The following ANK1 variants were observed in gnomAD, a reference collection of about 807,000 sequenced individuals.
The protein encoded by ANK1 is ankyrin 1.
A neutral mutation model predicts 210.4 loss-of-function variants in ANK1; 51 were observed. That is an observed-to-expected ratio of 0.24 (90% confidence interval 0.19 to 0.31). The LOEUF (loss-of-function observed/expected upper bound fraction) is 0.31. Ranked by LOEUF, ANK1 falls within the 10% of genes least tolerant of loss-of-function variation. ANK1 has a pLI of 1.00. For missense variants in ANK1, 2,051 were observed against 2,504.4 expected (o/e 0.82, Z 3.86); for synonymous variants, 967 against 1,025.9 (o/e 0.94, Z 1.10).
chr8:41,733,795 T>G (rs558882389), intron 3 of ANK1, among the ~76,000 whole-genome samples, 176 bp downstream of exon 3: 1 of 152,362 alleles, frequency 6.6e-6, no homozygotes, highest in Non-Finnish European at 1.5e-5. Flanking sequence ...TGAATCTTTC[T>G]GGAAATGGGG....
chr8:41,765,258 G>C (rs1841509513), intron 1 of ANK1, among the ~76,000 whole-genome samples: 1 of 143,494 alleles, frequency 7.0e-6, no homozygotes, highest in African/African-American at 2.6e-5. Flanking sequence ...TTTCTTTCAA[G>C]ACAGAGTCTC....
intron 1 of ANK1, among the ~76,000 whole-genome samples, chr8:41,872,391 C>T (rs964005593): frequency 1.1e-4 from 16 of 152,224 alleles, no homozygotes; most frequent in South Asian, 2.1e-4. Context: ...CATTAAATCC[C>T]CCAGTGCTGC....
intron 1 of ANK1, among the ~76,000 whole-genome samples, chr8:41,826,268 C>G (rs944377743): frequency 1.3e-5 from 2 of 152,048 alleles, no homozygotes; most frequent in South Asian, 4.2e-4. Flanking sequence ...TGTCTATGAC[C>G]CCATGGGGTC....
intron 2 of ANK1, among the ~76,000 whole-genome samples, chr8:41,742,360 G>A (rs1019544855): frequency 5.3e-5 from 8 of 152,204 alleles, no homozygotes; most frequent in Admixed American, 3.3e-4. Flanking sequence ...AAAACTGCAA[G>A]AACATCTCAA....
At chr8:41,887,719 G>A (rs747463868) in intron 1 of ANK1, among the ~76,000 whole-genome samples, 63 of 152,116 alleles carry the variant, frequency 4.1e-4, no homozygotes, top group Non-Finnish European at 7.5e-4. Flanking sequence ...TCTATTCCAC[G>A]TATATTATAT....
At chr8:41,683,113 C>T (rs533896484) in intron 37 of ANK1, among the ~76,000 whole-genome samples, 1 of 151,950 alleles carries the variant, frequency 6.6e-6, no homozygotes, top group African/African-American at 2.4e-5. Context: ...CATGCACACA[C>T]ATACGCACAC....
At chr8:41,866,270 G>A (rs1370310689) in intron 1 of ANK1, among the ~76,000 whole-genome samples, 1 of 152,184 alleles carries the variant, frequency 6.6e-6, no homozygotes, top group Non-Finnish European at 1.5e-5. Flanking sequence ...GCTCATTGCG[G>A]CCTTGATCAC....
rs2150527592 is a variant in ANK1, at chr8:41,655,472, T to C, written c.*318A>G. The C allele has an allele frequency of 2.0e-6, 1 of 497,126 alleles. No homozygotes were observed. The allele number at this position is 497,126 out of a possible 1,614,324, so 30.8% of individuals were successfully genotyped here. A position where few individuals can be genotyped will look rare whatever the true frequency, so the allele number is the denominator to read the frequency against. On this transcript the variant is annotated 3_prime_UTR_variant, in exon 43 of 43. Transcript: ENST00000289734. ...TCACTTTTGCGTTCGCAGGCTCTCCTGCGCTTGTTTTCTATCCCTCTCTCT... is the reference window on the plus strand; with the variant it reads ...TCACTTTTGCGTTCGCAGGCTCTCCCGCGCTTGTTTTCTATCCCTCTCTCT...
In ANK1 at chr8:41,654,363, AC is replaced by A. The variant is rs1247367925; in HGVS notation, c.*1426del. The A allele has an allele frequency of 6.6e-6, 1 of 151,954 alleles. No individual in the cohort carries two copies. Among genetic ancestry groups the A allele is most frequent in the Non-Finnish European group, 1.5e-5 (1 of 67,848 alleles). 9.4% of individuals were successfully genotyped at this position (151,954 alleles called of 1,614,324 possible). ...GCTCTCCGCCTCCGACTCTACTCTC[AC>A]CGGCCATGCGGTCCGGGGAGCCCCC... On this transcript the variant is annotated 3_prime_UTR_variant, in exon 43 of 43. Coordinates refer to ENST00000289734, the MANE Select transcript of ANK1 (RefSeq NM_000037.4).
At chr8:41,681,185 T>C (rs1815881307) in intron 37 of ANK1, among the ~76,000 whole-genome samples, 1 of 152,114 alleles carries the variant, frequency 6.6e-6, no homozygotes, top group African/African-American at 2.4e-5. Flanking sequence ...CTAGCCACAG[T>C]TGTGAAGAAT....
At chr8:41,691,859 T>C (rs1160027249) in intron 31 of ANK1, among the ~76,000 whole-genome samples, 1 of 152,210 alleles carries the variant, frequency 6.6e-6, no homozygotes, top group East Asian at 1.9e-4. Context: ...AAAGCACTTT[T>C]AGTTATTTAT....
chr8:41,790,904 A>T (rs142875713), intron 1 of ANK1, among the ~76,000 whole-genome samples: 1 of 152,236 alleles, frequency 6.6e-6, no homozygotes, highest in Non-Finnish European at 1.5e-5. Flanking sequence ...GACAGATGGG[A>T]GATGAGGGTC....
chr8:41,842,337 C>A (rs1563888443), intron 1 of ANK1, among the ~76,000 whole-genome samples: 1 of 152,014 alleles, frequency 6.6e-6, no homozygotes, highest in East Asian at 1.9e-4. Flanking sequence ...ACTAAAAATA[C>A]AAAAAATTAG....
At chr8:41,737,903 C>T (rs2150679512) in intron 2 of ANK1, among the ~76,000 whole-genome samples, 1 of 152,326 alleles carries the variant, frequency 6.6e-6, no homozygotes, top group South Asian at 2.1e-4. Flanking sequence ...TAACCCAACT[C>T]AACAAATATT....
At chr8:41,727,054 G>T (rs951791909) in intron 5 of ANK1, among the ~76,000 whole-genome samples, 196 bp downstream of exon 5, 3 of 152,166 alleles carry the variant, frequency 2.0e-5, no homozygotes, top group African/African-American at 7.2e-5. Context: ...ACGTGTCTGG[G>T]CCTTCTTCAA....
Position 41,704,330 on chromosome 8 carries a change from G to A in ANK1, c.2196+44C>T, listed in dbSNP as rs1412178078. On this transcript the variant is annotated intron_variant, in intron 19 of 42. Coordinates refer to ENST00000289734, the MANE Select transcript of ANK1 (RefSeq NM_000037.4). This position sits in a 1 kb window ranked among gnomAD's most constrained non-coding sequence, Gnocchi z 4.1. ...CTCTGGCTTTACCCTGATGTGGCAT[G>A]GAGAAGGGTCAGTGCAGGAGTCGGG... 5.1e-6 allele frequency: 8 copies of A among 1,566,538 alleles called. No homozygotes were observed. The highest frequency in any genetic ancestry group is 7.0e-6 in the Non-Finnish European group (8 of 1,137,054).
intron 33 of ANK1, 118 bp downstream of exon 33, chr8:41,690,109 G>T: frequency 6.6e-7 from 1 of 1,508,364 alleles, no homozygotes; most frequent in Non-Finnish European, 9.1e-7. Flanking sequence ...ATGCCTCGGG[G>T]GACTCTAAGC....
At chr8:41,771,512 G>C (rs1351469077) in intron 1 of ANK1, among the ~76,000 whole-genome samples, 1 of 152,208 alleles carries the variant, frequency 6.6e-6, no homozygotes, top group African/African-American at 2.4e-5. Context: ...GAACTTGCTA[G>C]TGAGATCAAA....
At chr8:41,668,629 C>A in intron 38 of ANK1, 65 bp from the exon 39 acceptor site, 2 of 1,508,396 alleles carry the variant, frequency 1.3e-6, no homozygotes, top group Non-Finnish European at 1.8e-6. Context: ...GGTCACCCAT[C>A]AGTCTCATTC....
Sources: allele counts gnomAD v4.1 joint callset (sites outside exome capture counted in the v4.1 genomes callset), GRCh38; gene constraint gnomAD v4.1.1; non-coding constraint Gnocchi (gnomAD v3.1); transcripts MANE v1.5; gene names NCBI Gene and HGNC (gene_info 2026-07-23, HGNC 2026-07-21).